TASP1: variants seen among roughly 807,000 people sequenced by gnomAD.
TASP1 encodes taspase 1.
TASP1 carries 16 observed loss-of-function variants against 56.6 expected under a neutral mutation model. The ratio of observed to expected loss-of-function variants is 0.28; its 90% CI spans 0.19 to 0.43. The LOEUF is 0.43. Ranked by LOEUF, TASP1 falls within the 20% of genes least tolerant of loss-of-function variation. TASP1 has a pLI of 1.00. For synonymous variants in TASP1, 179 were observed against 184.2 expected (o/e 0.97, Z 0.23); for missense variants, 393 against 511.6 (o/e 0.77, Z 2.24).
At chr20:13,216,530 T>C in the TASP1 span, among the ~76,000 whole-genome samples, 1 of 152,128 alleles carries the variant, frequency 6.6e-6, no homozygotes, top group Non-Finnish European at 1.5e-5. Flanking sequence ...CAGAGTTGAT[T>C]AATTGCCAAA....
At chr20:13,218,292 AAG>A in the TASP1 span, among the ~76,000 whole-genome samples, 2 of 152,156 alleles carry the variant, frequency 1.3e-5, no homozygotes, top group South Asian at 4.1e-4. Context: ...AAAAAAAGGA[AAG>A]AGAGAGTGTG....
chr20:13,623,424 A>G, intron 4 of TASP1, 22 bp downstream of exon 4: 1 of 1,591,124 alleles, frequency 6.3e-7, no homozygotes, highest in Non-Finnish European at 8.6e-7. Context: ...AATATTTTAA[A>G]TAAAACAGAG....
chr20:13,440,310 G>A (rs6042105), intron 11 of TASP1, among the ~76,000 whole-genome samples: 8,203 of 152,140 alleles, frequency 0.054, 326 homozygotes, highest in African/African-American at 0.11. Flanking sequence ...GAAGAAGGGA[G>A]GTAAATAATG....
the TASP1 span, among the ~76,000 whole-genome samples, chr20:13,213,873 CA>C: frequency 2.0e-5 from 3 of 152,108 alleles, no homozygotes; most frequent in Non-Finnish European, 4.4e-5. Context: ...AACAAACATA[CA>C]AATACAAACT....
At chr20:13,396,997 G>C (rs2041566518) in intron 13 of TASP1, among the ~76,000 whole-genome samples, 1 of 152,176 alleles carries the variant, frequency 6.6e-6, no homozygotes, top group South Asian at 2.1e-4. Flanking sequence ...CTATCACCAG[G>C]CTCACTGACA....
the TASP1 span, among the ~76,000 whole-genome samples, chr20:13,321,595 T>C: frequency 3.3e-5 from 5 of 152,320 alleles, no homozygotes; most frequent in African/African-American, 9.6e-5. Context: ...CACAGGGACG[T>C]GGTGTGTTTT....
chr20:13,357,328 A>G, the TASP1 span, among the ~76,000 whole-genome samples: 1 of 151,942 alleles, frequency 6.6e-6, no homozygotes, highest in Non-Finnish European at 1.5e-5. Flanking sequence ...CACCCACCCC[A>G]ATTAGGCTAC....
chr20:13,481,599 T>C (rs190926862), intron 11 of TASP1, among the ~76,000 whole-genome samples: 1 of 152,310 alleles, frequency 6.6e-6, no homozygotes, highest in East Asian at 1.9e-4. Context: ...GCCTATCTTT[T>C]GGATATAAGT....
the TASP1 span, among the ~76,000 whole-genome samples, chr20:13,178,627 TA>T: frequency 9.9e-5 from 15 of 151,820 alleles, no homozygotes; most frequent in African/African-American, 3.6e-4. Flanking sequence ...GACATTATGT[TA>T]AGTGAAATAA....
chr20:13,394,178 G>A (rs770887035), intron 13 of TASP1, among the ~76,000 whole-genome samples: 12 of 149,444 alleles, frequency 8.0e-5, no homozygotes, highest in Non-Finnish European at 1.2e-4. Flanking sequence ...CAGCTACTCC[G>A]GAGGCTGAGG....
chr20:13,212,083 T>A, the TASP1 span, among the ~76,000 whole-genome samples: 4 of 152,292 alleles, frequency 2.6e-5, no homozygotes, highest in Non-Finnish European at 5.9e-5. Flanking sequence ...GCATTCAACA[T>A]ACCCATTTCC....
At chr20:13,383,171 G>A in the TASP1 span, among the ~76,000 whole-genome samples, 1 of 152,224 alleles carries the variant, frequency 6.6e-6, no homozygotes, top group Admixed American at 6.5e-5. Context: ...AAGGTGTACT[G>A]GAAGGTTTTG....
chr20:13,607,209 G>C (rs2048190628), intron 4 of TASP1, among the ~76,000 whole-genome samples: 1 of 152,136 alleles, frequency 6.6e-6, no homozygotes, highest in South Asian at 2.1e-4. Flanking sequence ...GATGCCCTTT[G>C]ACTAACCAAC....
the TASP1 span, among the ~76,000 whole-genome samples, chr20:13,198,739 T>C: frequency 6.6e-6 from 1 of 152,176 alleles, no homozygotes. Flanking sequence ...GCCCCACTGC[T>C]CTGTTCATTG....
At chr20:13,346,615 G>GA in the TASP1 span, among the ~76,000 whole-genome samples, 12 of 152,230 alleles carry the variant, frequency 7.9e-5, no homozygotes, top group Non-Finnish European at 1.5e-4. Context: ...GATGGAAGGG[G>GA]AGAGTCCTCC....
At chr20:13,190,491 C>G in the TASP1 span, among the ~76,000 whole-genome samples, 2 of 152,144 alleles carry the variant, frequency 1.3e-5, no homozygotes, top group East Asian at 3.9e-4. Flanking sequence ...AAGGGACAGT[C>G]TCCTCAGTGA....
At chr20:13,105,511 A>C in the TASP1 span, among the ~76,000 whole-genome samples, 6 of 152,162 alleles carry the variant, frequency 3.9e-5, no homozygotes, top group African/African-American at 1.4e-4. Context: ...AAAATGGAGA[A>C]AAGCTTCTCT....
intron 5 of TASP1, among the ~76,000 whole-genome samples, chr20:13,583,859 C>A (rs1026220710): frequency 6.6e-6 from 1 of 152,136 alleles, no homozygotes; most frequent in Non-Finnish European, 1.5e-5. Context: ...GTGGGTGGAT[C>A]ACCTGAGGTT....
In TASP1 at chr20:13,569,581, A is replaced by G; in HGVS notation, c.494T>C (p.Leu165Ser). 1 of 1,611,682 alleles carries G rather than the reference A, an allele frequency of 6.2e-7. No homozygotes were observed. The highest frequency in any genetic ancestry group is 8.5e-7 in the Non-Finnish European group (1 of 1,179,166). ...LSAGRIPPCF[L>S]VGEGAYRWAV... ...CCATCTGTAGGCTCCTTCTCCAACT[A>G]AAAAGCTAACAACAGAAAAATTATT... The change falls in exon 7 of 14, where the codon TTA (leucine) becomes TCA (serine). Residue 165 changes from leucine (L) to serine (S), a missense_variant. This residue lies in a region of TASP1 where 293 missense variants were observed against 354.2 expected (regional missense o/e 0.83). Transcript: ENST00000337743.
Sources: gnomAD v4.1 joint callset for allele counts (sites outside exome capture counted in the v4.1 genomes callset) on GRCh38, gnomAD v4.1.1 for gene constraint, gnomAD v4.1.1 regional missense constraint, MANE v1.5 for transcripts, NCBI Gene and HGNC (gene_info 2026-07-23, HGNC 2026-07-21) for gene names.